The following BICD2 variants were observed in gnomAD, a reference collection of about 807,000 sequenced individuals.
BICD2 encodes protein bicaudal D homolog 2.
Under a neutral mutation model 72.9 loss-of-function variants are expected in BICD2, and 25 were observed. The ratio of observed to expected loss-of-function variants is 0.34; its 90% CI spans 0.25 to 0.48. The LOEUF is 0.48. Among genes scored for constraint, BICD2 ranks in the 20% least tolerant of loss-of-function variants. The pLI is 0.99. For synonymous variants in BICD2, 501 were observed against 516.1 expected (o/e 0.97, Z 0.40); for missense variants, 894 against 1,175.2 (o/e 0.76, Z 3.50).
At position 92,720,772 on chromosome 9, in the gene BICD2, A is replaced by C. The variant is rs1475122378; in HGVS notation, c.607-17T>G. 5.6e-6 allele frequency: 9 copies of C among 1,610,132 alleles called. No homozygotes were observed. The African/African-American group carries it at 1.1e-4, about 19-fold the overall frequency. ...AAACTCCACCTGGGAAGAGAAGTCAACGCTCTTGCATCAATGCAATGTGGA... is the reference window on the plus strand; with the variant it reads ...AAACTCCACCTGGGAAGAGAAGTCACCGCTCTTGCATCAATGCAATGTGGA... On this transcript the variant is annotated splice_polypyrimidine_tract_variant and intron_variant, in intron 3 of 6. Coordinates refer to ENST00000356884, the MANE Select transcript of BICD2 (RefSeq NM_001003800.2). The surrounding 1 kb of genome is among the most constrained non-coding windows in gnomAD (Gnocchi z 5.4).
At chr9:92,722,178 C>T (rs1853475943) in intron 3 of BICD2, among the ~76,000 whole-genome samples, 1 of 152,208 alleles carries the variant, frequency 6.6e-6, no homozygotes, top group Admixed American at 6.5e-5. Context: ...ATCTCTGTCA[C>T]AGGCAGAGAC....
rs1483349426 is a variant in BICD2, at chr9:92,720,300, C to A, written c.1062G>T (p.Gln354His). 6.2e-7 allele frequency: 1 copy of A among 1,606,560 alleles called. No homozygotes were observed. The highest frequency in any genetic ancestry group is 1.7e-5 in the Admixed American group (1 of 59,758). Residue 354 changes from glutamine (Q) to histidine (H), a missense_variant and splice_region_variant, in exon 4 of 7, where the codon CAG becomes CAT. Gln to His is a conservative substitution (Grantham distance 24). Around this residue, in one of 5 missense-constraint regions of BICD2, gnomAD observed 371 missense variants for 439.1 expected, o/e 0.84. Transcript: ENST00000356884. The surrounding 1 kb of genome is among the most constrained non-coding windows in gnomAD (Gnocchi z 5.4). Reference protein sequence around the residue: ...EIQKLKQQLMQMEREKAGLLA... With the variant: ...EIQKLKQQLMHMEREKAGLLA... ...GCCGAAGGCCCCACTGCCTGCTCAC[C>A]TGCATCAGCTGCTGCTTCAGCTTCT...
intron 1 of BICD2, among the ~76,000 whole-genome samples, chr9:92,763,399 C>G (rs939753228): frequency 2.0e-5 from 3 of 152,160 alleles, no homozygotes; most frequent in African/African-American, 7.2e-5. Flanking sequence ...AAGCTATACT[C>G]CTGACCGCAC....
intron 2 of BICD2, among the ~76,000 whole-genome samples, chr9:92,726,298 A>C (rs1319867939): frequency 6.6e-6 from 1 of 152,128 alleles, no homozygotes; most frequent in Non-Finnish European, 1.5e-5. Context: ...ACAGGTCCTC[A>C]TGGTGTGTTG....
rs1564060970 is a variant in BICD2, at chr9:92,720,373, G to A, written c.989C>T (p.Pro330Leu). Residue 330 changes from proline (P) to leucine (L), a missense_variant, in exon 4 of 7, where the codon CCC becomes CTC. By Grantham distance (98) the Pro-to-Leu change is moderately conservative. Transcript: ENST00000356884. This position sits in a 1 kb window ranked among gnomAD's most constrained non-coding sequence, Gnocchi z 5.4. The part of the protein sequence containing the change: ...PKKEGLAPPS[P>L]SLVSDLLSEL... ...ACTGAGTAGGTCGGAGACGAGGCTG[G>A]GGGAGGGCGGTGCGAGGCCCTCCTT... The A allele has an allele frequency of 1.2e-6, 2 of 1,613,970 alleles. No homozygotes were observed. Among genetic ancestry groups the A allele is most frequent in the Non-Finnish European group, 1.7e-6 (2 of 1,180,038 alleles).
rs1274529996 is a variant in BICD2, at chr9:92,715,274, C to G, written c.2448G>C (p.Lys816Asn). 1 of 1,612,828 alleles carries G rather than the reference C, an allele frequency of 6.2e-7. No homozygotes were observed. The highest frequency in any genetic ancestry group is 8.5e-7 in the Non-Finnish European group (1 of 1,179,862). Residue 816 changes from lysine (K) to asparagine (N), a missense_variant, in exon 7 of 7, where the codon AAG becomes AAC. Physicochemically the swap from Lys to Asn is moderately conservative, Grantham distance 94 (BLOSUM62 0). Transcript: ENST00000356884. ...TTACGCTCGGTGTGGCTGGCTTGGT[C>G]TTCGGGGCGGCTTTGGCACGGCCAC... ...TRRGRAKAAP[K>N]TKPATPSVSH...
intron 1 of BICD2, among the ~76,000 whole-genome samples, chr9:92,754,175 C>T (rs1029559693): frequency 4.6e-5 from 7 of 150,634 alleles, no homozygotes; most frequent in African/African-American, 7.3e-5. Context: ...ATAAGTGCTA[C>T]AATACACATG....
rs1587668064 is a variant in BICD2 at position 92,718,531 on chromosome 9, C to T, written c.2106+8G>A. On this transcript the variant is annotated splice_region_variant and intron_variant, in intron 5 of 6. Transcript: ENST00000356884. Reference sequence around the variant, plus strand: ...GGTGACATGTGCCCCTGCTGCCTGGCACCTCACCTGCTTGTTGGCCTTGAG... The same window carrying T: ...GGTGACATGTGCCCCTGCTGCCTGGTACCTCACCTGCTTGTTGGCCTTGAG... The T allele has an allele frequency of 2.5e-6, 4 of 1,599,746 alleles. No homozygotes were observed. Among genetic ancestry groups the T allele is most frequent in the Non-Finnish European group, 2.6e-6 (3 of 1,171,782 alleles).
At chr9:92,751,597 CAATT>C (rs1039166071) in intron 1 of BICD2, among the ~76,000 whole-genome samples, 1 of 152,118 alleles carries the variant, frequency 6.6e-6, no homozygotes, top group African/African-American at 2.4e-5. Flanking sequence ...TGGAATGAAA[CAATT>C]AAGTTACTGG....
chr9:92,763,462 G>GT (rs2131541511), intron 1 of BICD2, among the ~76,000 whole-genome samples: 1 of 152,258 alleles, frequency 6.6e-6, no homozygotes, highest in South Asian at 2.1e-4. Flanking sequence ...TGGGCACGCA[G>GT]TACTGCACTC....
intron 6 of BICD2, among the ~76,000 whole-genome samples, chr9:92,716,868 C>T (rs1853326247): frequency 6.6e-6 from 1 of 152,216 alleles, no homozygotes; most frequent in Admixed American, 6.5e-5. Flanking sequence ...CCTCAGAGCC[C>T]ATTACTAAGA....
intron 1 of BICD2, among the ~76,000 whole-genome samples, chr9:92,763,713 C>CG (rs1854419648): frequency 1.3e-5 from 2 of 152,222 alleles, no homozygotes; most frequent in African/African-American, 4.8e-5. Flanking sequence ...ACTCTCCCCC[C>CG]AGTGGGAATG....
At chr9:92,742,815 C>T (rs758048656) in intron 1 of BICD2, among the ~76,000 whole-genome samples, 5 of 152,202 alleles carry the variant, frequency 3.3e-5, no homozygotes, top group Admixed American at 1.3e-4. Flanking sequence ...CTGGACATTT[C>T]AGTCTTTTGT....
At chr9:92,726,946 T>C (rs1417473053) in intron 2 of BICD2, among the ~76,000 whole-genome samples, 1 of 152,200 alleles carries the variant, frequency 6.6e-6, no homozygotes, top group Non-Finnish European at 1.5e-5. Context: ...AGGGGCAGAA[T>C]GTGCTGGGCT....
At chr9:92,722,357 A>G (rs992847340) in intron 3 of BICD2, among the ~76,000 whole-genome samples, 2 of 152,156 alleles carry the variant, frequency 1.3e-5, no homozygotes, top group Non-Finnish European at 1.5e-5. Context: ...TCAAAGTCCA[A>G]TCTGGGGTTT....
chr9:92,722,428 C>T (rs1216349079), intron 3 of BICD2, among the ~76,000 whole-genome samples: 2 of 152,182 alleles, frequency 1.3e-5, no homozygotes, highest in African/African-American at 4.8e-5. Context: ...GGCTGGGACA[C>T]CTCAGCCTGG....
In BICD2 at chr9:92,720,835, AGCACACCAACTCCG is replaced by A. The variant is rs1324013798; in HGVS notation, c.607-94_607-81del. The stretch of plus-strand genomic sequence containing the variant: ...GCCCCATAAATGAAGAAAACACACC[AGCACACCAACTCCG>A]GCCACTATGAAGCAAAAGATGAAGC... On this transcript the variant is annotated intron_variant, in intron 3 of 6. Transcript: ENST00000356884. The surrounding 1 kb of genome is among the most constrained non-coding windows in gnomAD (Gnocchi z 5.4). 4.2e-6 allele frequency: 6 copies of A among 1,426,246 alleles called. No individual in the cohort carries two copies. Among genetic ancestry groups the A allele is most frequent in the Non-Finnish European group, 5.7e-6 (6 of 1,053,198 alleles). The allele number at this position is 1,426,246 out of a possible 1,614,324, so 88.3% of individuals were successfully genotyped here. A position where few individuals can be genotyped will look rare whatever the true frequency, so the allele number is the denominator to read the frequency against.
intron 1 of BICD2, among the ~76,000 whole-genome samples, chr9:92,747,246 TCAA>T (rs771203327): frequency 6.6e-6 from 1 of 152,084 alleles, no homozygotes; most frequent in Non-Finnish European, 1.5e-5. Flanking sequence ...ATCTGCACCA[TCAA>T]CAACAGCAGC....
In BICD2 at chr9:92,729,093, C is replaced by T; in HGVS notation, c.384G>A (p.Leu128=). 1 of 1,614,266 alleles carries T rather than the reference C, an allele frequency of 6.2e-7. No homozygotes were observed. Among genetic ancestry groups the T allele is most frequent in the Non-Finnish European group, 8.5e-7 (1 of 1,180,052 alleles). ...VLELQTELKQ[L]RNVLTNTQSE... Reference sequence around the variant, plus strand: ...ACTGCGTGTTGGTGAGGACATTGCGCAACTGCTTCAGCTCCGTCTGCAGCT... The same window carrying T: ...ACTGCGTGTTGGTGAGGACATTGCGTAACTGCTTCAGCTCCGTCTGCAGCT... Residue 128 remains leucine, a synonymous_variant, in exon 2 of 7, where the codon TTG becomes TTA. Coordinates refer to ENST00000356884, the MANE Select transcript of BICD2 (RefSeq NM_001003800.2).
Sources: allele counts gnomAD v4.1 joint callset (sites outside exome capture counted in the v4.1 genomes callset), GRCh38; gene constraint gnomAD v4.1.1; regional missense constraint gnomAD v4.1.1; non-coding constraint Gnocchi (gnomAD v3.1); transcripts MANE v1.5; gene names NCBI Gene and HGNC (gene_info 2026-07-23, HGNC 2026-07-21).